WAPL: variants seen among roughly 807,000 people sequenced by gnomAD.
WAPL encodes WAPL cohesin release factor.
A neutral mutation model predicts 121.0 loss-of-function variants in WAPL; 5 were observed. That is an observed-to-expected ratio of 0.04 (90% CI 0.02 to 0.09). WAPL has a LOEUF of 0.09. Ranked by LOEUF, WAPL falls within the 10% of genes least tolerant of loss-of-function variation. WAPL has a pLI of 1.00. For synonymous variants in WAPL, 480 were observed against 481.5 expected (o/e 1.00, Z 0.04); for missense variants, 999 against 1,410.8 (o/e 0.71, Z 4.68).
chr10:86,496,562 GGATA>G (rs1304994927), intron 4 of WAPL, among the ~76,000 whole-genome samples: 1 of 152,108 alleles, frequency 6.6e-6, no homozygotes, highest in African/African-American at 2.4e-5. Context: ...ACAGATGAAT[GGATA>G]AACAAAATGT....
chr10:86,477,830 A>G (rs1841693764), intron 4 of WAPL, among the ~76,000 whole-genome samples: 1 of 151,932 alleles, frequency 6.6e-6, no homozygotes, highest in South Asian at 2.1e-4. Flanking sequence ...CTGTAATCCT[A>G]GCACTTTGGG....
chr10:86,498,936 G>A (rs1443019889), intron 3 of WAPL, among the ~76,000 whole-genome samples: 3 of 152,164 alleles, frequency 2.0e-5, no homozygotes, highest in Non-Finnish European at 4.4e-5. Context: ...GGGTTTGAGA[G>A]TGTTTTGAAT....
intron 2 of WAPL, among the ~76,000 whole-genome samples, chr10:86,506,116 T>G: frequency 6.6e-6 from 1 of 152,164 alleles, no homozygotes; most frequent in East Asian, 1.9e-4. Context: ...ACACCCGTGG[T>G]CCCAACTTCT....
At chr10:86,518,236 G>T (rs1469221121) in intron 1 of WAPL, 145 bp from the exon 2 acceptor site, 3 of 811,726 alleles carry the variant, frequency 3.7e-6, no homozygotes, top group Non-Finnish European at 3.7e-6. Flanking sequence ...TGAGGAAGGG[G>T]TATAAAGAAA....
chr10:86,441,318 C>G (rs541165379), intron 17 of WAPL, among the ~76,000 whole-genome samples: 1 of 152,158 alleles, frequency 6.6e-6, no homozygotes, highest in African/African-American at 2.4e-5. Flanking sequence ...ATAGTCACAA[C>G]CTTTCACTTT....
At chr10:86,511,224 A>C (rs1205966737) in intron 2 of WAPL, among the ~76,000 whole-genome samples, 1 of 152,172 alleles carries the variant, frequency 6.6e-6, no homozygotes, top group South Asian at 2.1e-4. Context: ...AGGTGGGAGC[A>C]CTGCATGAGC....
intron 17 of WAPL, among the ~76,000 whole-genome samples, chr10:86,439,731 C>T (rs4934208): frequency 0.26 from 40,070 of 152,126 alleles, 6,619 homozygotes; most frequent in Non-Finnish European, 0.37. Context: ...CAAGGAGCTA[C>T]GTGATCAGTA....
chr10:86,471,443 C>T (rs1464136214), intron 7 of WAPL, among the ~76,000 whole-genome samples: 1 of 152,074 alleles, frequency 6.6e-6, no homozygotes, highest in Non-Finnish European at 1.5e-5. Context: ...ATTGGATATA[C>T]TCCAAATGAC....
chr10:86,438,828 C>G (rs1203193837), intron 17 of WAPL, among the ~76,000 whole-genome samples: 1 of 152,184 alleles, frequency 6.6e-6, no homozygotes, highest in Non-Finnish European at 1.5e-5. Context: ...CAGACAATAT[C>G]AGGAGAGAAA....
intron 12 of WAPL, among the ~76,000 whole-genome samples, chr10:86,455,078 C>A (rs1439730049): frequency 6.7e-6 from 1 of 149,032 alleles, no homozygotes; most frequent in Non-Finnish European, 1.5e-5. Context: ...GGGGGCAGCC[C>A]CCGCCCGGCA....
intron 8 of WAPL, among the ~76,000 whole-genome samples, chr10:86,469,249 T>TAAATCATTAATAAAATGTC (rs1431794434): frequency 2.0e-5 from 2 of 100,772 alleles, no homozygotes; most frequent in East Asian, 3.1e-4. Flanking sequence ...AATAATTTTT[T>TAAATCATTAATAAAATGTC]TTTTTTTTTT....
chr10:86,454,981 G>T (rs1302793179), intron 12 of WAPL, among the ~76,000 whole-genome samples: 2 of 151,358 alleles, frequency 1.3e-5, no homozygotes, highest in African/African-American at 4.9e-5. Flanking sequence ...TCTGGGAAGT[G>T]AGGAGCGTCT....
At chr10:86,474,601 T>C (rs1841609706) in intron 4 of WAPL, among the ~76,000 whole-genome samples, 1 of 151,240 alleles carries the variant, frequency 6.6e-6, no homozygotes, top group South Asian at 2.1e-4. Context: ...TGATGGCTCA[T>C]GCCTGTAATC....
Position 86,438,043 on chromosome 10 carries a change from T to C in WAPL, c.3412-28A>G, listed in dbSNP as rs201796920. Reference sequence around the variant, plus strand: ...GAGGAAACAGAGCAAGAAATATTGGTCAGCTGGCAGAAAACATGAGATTGC... The same window carrying C: ...GAGGAAACAGAGCAAGAAATATTGGCCAGCTGGCAGAAAACATGAGATTGC... On this transcript the variant is annotated intron_variant, in intron 17 of 18. Transcript: ENST00000298767. 1.7e-4 allele frequency: 259 copies of C among 1,557,098 alleles called. 1 individual carries two copies. The African/African-American group carries it at 3.3e-3, about 20-fold the overall frequency.
chr10:86,481,652 C>T (rs187408254), intron 4 of WAPL, among the ~76,000 whole-genome samples: 8 of 152,090 alleles, frequency 5.3e-5, no homozygotes, highest in Admixed American at 2.6e-4. Context: ...GGATTACAGG[C>T]GTGAACCACC....
chr10:86,474,513 C>CA (rs11380209), intron 4 of WAPL, among the ~76,000 whole-genome samples: 111,136 of 129,974 alleles, frequency 0.86, 47,403 homozygotes, highest in Non-Finnish European at 0.91. Context: ...GACTCCGTCT[C>CA]AAAAAAAAAA....
At chr10:86,479,533 C>T (rs1240298083) in intron 4 of WAPL, among the ~76,000 whole-genome samples, 7 of 152,168 alleles carry the variant, frequency 4.6e-5, no homozygotes, top group Admixed American at 1.3e-4. Flanking sequence ...GGACTACTGG[C>T]GTGAGCCACA....
intron 17 of WAPL, among the ~76,000 whole-genome samples, chr10:86,440,882 GAAA>G (rs10661246): frequency 7.7e-6 from 1 of 130,530 alleles, no homozygotes; most frequent in Admixed American, 7.9e-5. Context: ...TACACAAAGT[GAAA>G]AAAAAAAAAA....
chr10:86,449,855 G>A (rs1840934725), intron 15 of WAPL, among the ~76,000 whole-genome samples: 2 of 152,208 alleles, frequency 1.3e-5, no homozygotes, highest in East Asian at 1.9e-4. Flanking sequence ...GACAGGGAGG[G>A]CAGGTAGGCT....
Sources: gnomAD v4.1 joint callset for allele counts (sites outside exome capture counted in the v4.1 genomes callset) on GRCh38, gnomAD v4.1.1 for gene constraint, MANE v1.5 for transcripts, NCBI Gene and HGNC (gene_info 2026-07-23, HGNC 2026-07-21) for gene names.